Variants in CES5A observed in about 807,000 individuals in gnomAD.
CES5A encodes the protein carboxylesterase 5A.
CES5A carries 67 observed loss-of-function variants against 62.9 expected under a neutral mutation model. The observed-to-expected ratio is 1.07, with a 90% confidence interval of 0.88 to 1.31. CES5A has a LOEUF of 1.31. Among genes scored for constraint, CES5A ranks in the 50% most tolerant of loss-of-function variants. The probability of loss-of-function intolerance (pLI) is 0.00; values close to 1 mark genes in which losing one functional copy is unlikely to be tolerated. For synonymous variants in CES5A, 296 were observed against 280.8 expected (o/e 1.05, Z -0.54); for missense variants, 748 against 708.5 (o/e 1.06, Z -0.63).
intron 9 of CES5A, among the ~76,000 whole-genome samples, chr16:55,855,506 C>T (rs1290324823): frequency 2.6e-5 from 4 of 152,170 alleles, no homozygotes; most frequent in African/African-American, 9.7e-5. Context: ...GTAGTGAATA[C>T]AGATCCCCAG....
At chr16:55,854,567 T>A (rs1187512901) in intron 9 of CES5A, among the ~76,000 whole-genome samples, 1 of 145,546 alleles carries the variant, frequency 6.9e-6, no homozygotes, top group African/African-American at 2.6e-5. Context: ...TGAGACAGAG[T>A]CTCTCGCTCT....
At chr16:55,918,152 C>A (rs2034166559) in intron 1 of CES5A, among the ~76,000 whole-genome samples, 1 of 152,030 alleles carries the variant, frequency 6.6e-6, no homozygotes, top group Admixed American at 6.6e-5. Context: ...ATTTTGTGTC[C>A]AGCTTGTCTT....
At chr16:55,848,437 T>C (rs1457574654) in intron 11 of CES5A, among the ~76,000 whole-genome samples, 1 of 152,194 alleles carries the variant, frequency 6.6e-6, no homozygotes, top group Non-Finnish European at 1.5e-5. Flanking sequence ...ATTTTAAATG[T>C]TGATAGACTT....
chr16:55,883,523 T>A (rs2033783045), intron 1 of CES5A, among the ~76,000 whole-genome samples: 2 of 152,166 alleles, frequency 1.3e-5, no homozygotes, highest in African/African-American at 4.8e-5. Context: ...TCCTCCCATC[T>A]CGGCCTCACA....
At chr16:55,851,755 C>T (rs2033137189) in intron 10 of CES5A, among the ~76,000 whole-genome samples, 1 of 152,160 alleles carries the variant, frequency 6.6e-6, no homozygotes. Context: ...CCAATTGTTC[C>T]TTGCACAATA....
At chr16:55,875,885 A>T (rs543902145), upstream of CES5A, among the ~76,000 whole-genome samples, 7 of 152,340 alleles carry the variant, frequency 4.6e-5, no homozygotes, top group African/African-American at 1.7e-4. Context: ...TCAAGTCTGT[A>T]CACCACTGCT....
chr16:55,866,092 C>A lies in CES5A; in HGVS notation c.576G>T (p.Gly192=). The A allele has an allele frequency of 6.2e-7, 1 of 1,613,678 alleles. No homozygotes were observed. Among genetic ancestry groups the A allele is most frequent in the Non-Finnish European group, 8.5e-7 (1 of 1,179,772 alleles). The change falls in exon 5 of 13, where the codon GGG becomes GGT. Residue 192 remains glycine (G), a synonymous_variant. Transcript: ENST00000290567. ...FFTTWDQHAP[G]NWAFKDQVAA... Reference sequence around the variant, plus strand: ...CCACCTGGTCCTTGAAGGCCCAGTTCCCCGGAGCATGCTGATCCCATGTGC... The same window carrying A: ...CCACCTGGTCCTTGAAGGCCCAGTTACCCGGAGCATGCTGATCCCATGTGC...
intron 4 of CES5A, 88 bp from the exon 5 acceptor site, chr16:55,866,204 G>T: frequency 4.6e-6 from 6 of 1,318,546 alleles, no homozygotes; most frequent in Middle Eastern, 2.7e-4. Context: ...GCTGTGGGCA[G>T]GGGTCAGTGG....
At chr16:55,944,728 T>C (rs1233048928) in intron 2 of CES5A, among the ~76,000 whole-genome samples, 2 of 152,194 alleles carry the variant, frequency 1.3e-5, no homozygotes, top group African/African-American at 4.8e-5. Flanking sequence ...CTCTGCCCCA[T>C]CTTCCCTGGG....
Position 55,869,695 on chromosome 16 carries a change from A to G in CES5A, c.467T>C (p.Ile156Thr). ...GGAFKTGSAS[I>T]FDGSALAAYE... ...GGCAGCCAGGGCGGACCCATCAAAG[A>G]TGGAGGCTGAGCCAGTCTTGAAGGC... The change falls in exon 4 of 13, where the codon ATC becomes ACC. Residue 156 changes from isoleucine to threonine, a missense_variant. Physicochemically the swap from Ile to Thr is moderately conservative, Grantham distance 89. Coordinates refer to ENST00000290567, the MANE Select transcript of CES5A (RefSeq NM_001143685.2). The G allele has an allele frequency of 6.2e-7, 1 of 1,611,370 alleles. No homozygotes were observed. The highest frequency in any genetic ancestry group is 8.5e-7 in the Non-Finnish European group (1 of 1,178,508).
intron 2 of CES5A, among the ~76,000 whole-genome samples, chr16:55,930,989 T>C (rs2034305202): frequency 6.6e-6 from 1 of 152,224 alleles, no homozygotes; most frequent in Non-Finnish European, 1.5e-5. Flanking sequence ...AGTATGATTC[T>C]GTAAGGTTGG....
chr16:55,916,967 T>C (rs2034153725), intron 1 of CES5A, among the ~76,000 whole-genome samples: 1 of 152,142 alleles, frequency 6.6e-6, no homozygotes, highest in African/African-American at 2.4e-5. Context: ...CTTGACACAA[T>C]TTTCTCCTGA....
chr16:55,934,022 G>T (rs1056552596), intron 2 of CES5A, among the ~76,000 whole-genome samples: 17 of 151,936 alleles, frequency 1.1e-4, no homozygotes, highest in African/African-American at 4.1e-4. Flanking sequence ...TGCACTTGTT[G>T]TTCCTGCTCT....
intron 4 of CES5A, among the ~76,000 whole-genome samples, chr16:55,867,754 T>C (rs2142406007): frequency 6.6e-6 from 1 of 152,366 alleles, no homozygotes; most frequent in East Asian, 1.9e-4. Context: ...GGCAAATCAC[T>C]TAACCTGCTT....
chr16:55,887,938 A>C (rs1395482401), intron 1 of CES5A, among the ~76,000 whole-genome samples: 2 of 152,196 alleles, frequency 1.3e-5, no homozygotes, highest in African/African-American at 2.4e-5. Flanking sequence ...CGAGTACTGC[A>C]TGCAGTACTG....
rs2034601974 is a variant in CES5A at position 55,955,698 on chromosome 16, AG to A, written c.42+145del. 6 of 801,946 alleles carry A rather than the reference AG, an allele frequency of 7.5e-6. No homozygotes were observed. The East Asian group carries it at 1.6e-4, about 22-fold the overall frequency. 49.7% of individuals were successfully genotyped at this position (801,946 alleles called of 1,614,324 possible). On this transcript the variant is annotated intron_variant, in intron 1 of 13. Coordinates refer to the CES5A transcript ENST00000521992. ...CAGCCCTGGGTTCTCCTGGCAGTCA[AG>A]GTATCCATCTAGCCTACCGTGGGGG...
chr16:55,936,865 A>T (rs1325926328), intron 2 of CES5A, among the ~76,000 whole-genome samples: 2 of 152,224 alleles, frequency 1.3e-5, no homozygotes, highest in African/African-American at 4.8e-5. Flanking sequence ...GTAAGACATC[A>T]TCTCATATGC....
intron 1 of CES5A, among the ~76,000 whole-genome samples, chr16:55,881,868 T>C (rs2033765486): frequency 6.6e-6 from 1 of 152,080 alleles, no homozygotes; most frequent in Non-Finnish European, 1.5e-5. Context: ...AGAGGCCAGG[T>C]TGTGCTGCAT....
At chr16:55,922,358 C>T (rs1477847677) in intron 1 of CES5A, among the ~76,000 whole-genome samples, 1 of 151,736 alleles carries the variant, frequency 6.6e-6, no homozygotes, top group African/African-American at 2.4e-5. Context: ...AATGATATTC[C>T]ATGCAAACAG....
Sources: allele counts gnomAD v4.1 joint callset (sites outside exome capture counted in the v4.1 genomes callset), GRCh38; gene constraint gnomAD v4.1.1; transcripts MANE v1.5; gene names NCBI Gene and HGNC (gene_info 2026-07-23, HGNC 2026-07-21).